RANBP2: variants seen among roughly 807,000 people sequenced by gnomAD.
RANBP2 encodes the protein E3 SUMO-protein ligase RanBP2.
Under a neutral mutation model 303.6 loss-of-function variants are expected in RANBP2, and 57 were observed. The observed-to-expected ratio is 0.19, with a 90% CI of 0.15 to 0.23. The LOEUF (loss-of-function observed/expected upper bound fraction) is 0.23, where lower values mean the gene tolerates loss of function less well. RANBP2 is among the 10% of genes least tolerant of loss of function. The pLI, the probability that RANBP2 is intolerant of heterozygous loss-of-function variation, is 1.00. For missense variants in RANBP2, 3,138 were observed against 3,780.8 expected, an observed-to-expected ratio of 0.83 and a Z score of 4.46; for synonymous variants, 1,167 against 1,301.5, an observed-to-expected ratio of 0.90 and a Z score of 2.23.
chr2:109,094,689 G>A, the RANBP2 span, among the ~76,000 whole-genome samples: 1 of 152,110 alleles, frequency 6.6e-6, no homozygotes, highest in Non-Finnish European at 1.5e-5. Context: ...AATTAGCTAG[G>A]CATAGTGGTG....
At chr2:108,856,973 A>G in the RANBP2 span, 96 of 1,523,418 alleles carry the variant, frequency 6.3e-5, no homozygotes, top group Non-Finnish European at 8.4e-5. Context: ...GGAATCTAGT[A>G]AGTTTTTAAG....
the RANBP2 span, among the ~76,000 whole-genome samples, chr2:109,278,816 C>T: frequency 5.2e-4 from 79 of 152,276 alleles, 1 homozygote; most frequent in African/African-American, 1.5e-3. Context: ...GGTATTGCAT[C>T]GGCCAAGGCA....
chr2:109,023,683 C>A, the RANBP2 span, among the ~76,000 whole-genome samples: 1 of 152,098 alleles, frequency 6.6e-6, no homozygotes, highest in African/African-American at 2.4e-5. Flanking sequence ...AGTGTGTATA[C>A]CTATAGTCCT....
chr2:108,933,375 C>G, the RANBP2 span, among the ~76,000 whole-genome samples: 5 of 152,116 alleles, frequency 3.3e-5, no homozygotes, highest in Non-Finnish European at 7.3e-5. Flanking sequence ...AAGGAAAAAG[C>G]GTGTGTCCCT....
At chr2:109,154,447 C>T in the RANBP2 span, among the ~76,000 whole-genome samples, 4 of 152,162 alleles carry the variant, frequency 2.6e-5, no homozygotes, top group Admixed American at 6.5e-5. Flanking sequence ...ATCATGGGCA[C>T]GGCTCCTGGG....
chr2:109,599,084 A>G, the RANBP2 span, among the ~76,000 whole-genome samples: 5 of 152,144 alleles, frequency 3.3e-5, no homozygotes, highest in Admixed American at 3.3e-4. Context: ...TTCTTAAAAC[A>G]AGTAGTAACA....
the RANBP2 span, among the ~76,000 whole-genome samples, chr2:108,892,633 C>A: frequency 6.6e-6 from 1 of 152,164 alleles, no homozygotes; most frequent in Non-Finnish European, 1.5e-5. Flanking sequence ...CCATGGTCTC[C>A]CAGCAGCTCC....
At chr2:108,901,079 G>T in the RANBP2 span, among the ~76,000 whole-genome samples, 1 of 152,070 alleles carries the variant, frequency 6.6e-6, no homozygotes, top group African/African-American at 2.4e-5. Context: ...AACAACAGCA[G>T]AATACACATT....
the RANBP2 span, among the ~76,000 whole-genome samples, chr2:109,659,963 A>T: frequency 1.3e-5 from 2 of 152,296 alleles, no homozygotes; most frequent in Admixed American, 1.3e-4. Flanking sequence ...GCTGAGCAGC[A>T]GGTGCTGAGC....
chr2:109,380,166 G>A, the RANBP2 span, among the ~76,000 whole-genome samples: 1 of 152,166 alleles, frequency 6.6e-6, no homozygotes, highest in Non-Finnish European at 1.5e-5. Flanking sequence ...GGGTTTGTTT[G>A]TCTCCAGCAA....
the RANBP2 span, among the ~76,000 whole-genome samples, chr2:109,520,661 C>T: frequency 0.092 from 9,774 of 106,302 alleles, 1,966 homozygotes; most frequent in East Asian, 0.33. Flanking sequence ...CCAGGCACAG[C>T]GGCTCACGCC....
At chr2:108,879,941 G>T in the RANBP2 span, among the ~76,000 whole-genome samples, 2 of 152,042 alleles carry the variant, frequency 1.3e-5, no homozygotes, top group Non-Finnish European at 2.9e-5. Context: ...TTTTCAGCAG[G>T]GTGGTGGACT....
the RANBP2 span, among the ~76,000 whole-genome samples, chr2:109,189,438 G>A: frequency 4.7e-5 from 7 of 149,928 alleles, no homozygotes; most frequent in Non-Finnish European, 8.9e-5. Flanking sequence ...GCGCTATCTC[G>A]GCTCACTGCA....
At chr2:109,687,846 T>A in the RANBP2 span, among the ~76,000 whole-genome samples, 3 of 150,440 alleles carry the variant, frequency 2.0e-5, no homozygotes, top group East Asian at 3.9e-4. Flanking sequence ...CGGACTCAGG[T>A]GATCCTTCCA....
chr2:109,213,046 G>A, the RANBP2 span, among the ~76,000 whole-genome samples: 19 of 152,364 alleles, frequency 1.2e-4, no homozygotes, highest in East Asian at 2.7e-3. Context: ...TGAGCAGGTG[G>A]AGGATGCAGT....
At chr2:108,883,906 ATAAT>A in the RANBP2 span, 2 of 148,708 alleles carry the variant, frequency 1.3e-5, no homozygotes, top group African/African-American at 4.9e-5. Context: ...TCACTCCTAA[ATAAT>A]GTGAACTTGT....
the RANBP2 span, among the ~76,000 whole-genome samples, chr2:109,216,857 ATTG>A: frequency 6.6e-6 from 1 of 152,270 alleles, no homozygotes; most frequent in South Asian, 2.1e-4. Context: ...GCACATTCTC[ATTG>A]TTGTGAAACC....
intron 8 of RANBP2, 73 bp downstream of exon 8, chr2:108,746,871 A>C (rs1453934480): frequency 1.6e-6 from 1 of 611,768 alleles, no homozygotes; most frequent in Admixed American, 2.9e-5. Flanking sequence ...TTATGATAAA[A>C]TCTTCATCTG....
At chr2:109,245,534 T>A in the RANBP2 span, among the ~76,000 whole-genome samples, 165 of 152,362 alleles carry the variant, frequency 1.1e-3, 1 homozygote, top group African/African-American at 3.8e-3. Context: ...ATTAAGTTTT[T>A]ATTTTTATTG....
Sources: gnomAD v4.1 joint callset for allele counts (sites outside exome capture counted in the v4.1 genomes callset) on GRCh38, gnomAD v4.1.1 for gene constraint, MANE v1.5 for transcripts, NCBI Gene and HGNC (gene_info 2026-07-23, HGNC 2026-07-21) for gene names.